Variants in NR3C2 observed in about 807,000 individuals in gnomAD.
NR3C2 encodes the protein nuclear receptor subfamily 3 group C member 2.
In NR3C2, 15 loss-of-function variants were observed where a neutral mutation model predicts 86.4. That is an observed-to-expected ratio of 0.17 (90% confidence interval 0.12 to 0.27). NR3C2 has a LOEUF of 0.27. NR3C2 is among the 10% of genes least tolerant of loss of function. The pLI, the probability that NR3C2 is intolerant of heterozygous loss-of-function variation, is 1.00. For synonymous variants in NR3C2, 458 were observed against 450.5 expected, an observed-to-expected ratio of 1.02 and a Z score of -0.21; for missense variants, 960 against 1,195.6, an observed-to-expected ratio of 0.80 and a Z score of 2.91.
At chr4:148,178,037 T>A (rs1196696521) in intron 4 of NR3C2, among the ~76,000 whole-genome samples, 1 of 152,194 alleles carries the variant, frequency 6.6e-6, no homozygotes, top group East Asian at 1.9e-4. Context: ...CGTTTTCGAC[T>A]CCAAAATAAA....
At chr4:148,294,361 A>C (rs1478627641) in intron 2 of NR3C2, among the ~76,000 whole-genome samples, 13 of 152,156 alleles carry the variant, frequency 8.5e-5, no homozygotes. Context: ...TGGTAGTTCC[A>C]TCCTTTATTT....
intron 2 of NR3C2, among the ~76,000 whole-genome samples, chr4:148,375,463 G>GA (rs76084170): frequency 0.025 from 2,888 of 116,484 alleles, 37 homozygotes; most frequent in South Asian, 0.044. Context: ...CTCAAAGAAA[G>GA]AAAAAAAAAA....
chr4:148,370,841 C>T (rs1746382350), intron 2 of NR3C2, among the ~76,000 whole-genome samples: 1 of 152,134 alleles, frequency 6.6e-6, no homozygotes, highest in Non-Finnish European at 1.5e-5. Flanking sequence ...GGGTCAGTAT[C>T]TTCCTTCTCC....
intron 3 of NR3C2, among the ~76,000 whole-genome samples, chr4:148,250,591 C>G (rs1200790794): frequency 5.9e-5 from 9 of 152,152 alleles, no homozygotes; most frequent in Admixed American, 5.2e-4. Context: ...AATCTACTGC[C>G]AAACTACCTA....
intron 8 of NR3C2, among the ~76,000 whole-genome samples, chr4:148,083,525 T>C (rs1380343380): frequency 6.6e-6 from 1 of 152,062 alleles, no homozygotes; most frequent in Non-Finnish European, 1.5e-5. Flanking sequence ...AGAAACCTCA[T>C]CTGAAGGCCA....
intron 2 of NR3C2, among the ~76,000 whole-genome samples, chr4:148,326,055 A>G (rs943849876): frequency 6.6e-6 from 1 of 152,162 alleles, no homozygotes; most frequent in African/African-American, 2.4e-5. Flanking sequence ...AGCAAGATCA[A>G]TGGACGCAGG....
At chr4:148,364,414 T>G (rs763931281) in intron 2 of NR3C2, among the ~76,000 whole-genome samples, 2 of 152,170 alleles carry the variant, frequency 1.3e-5, no homozygotes, top group Non-Finnish European at 2.9e-5. Flanking sequence ...TAATCTTCTT[T>G]GCTTCCATGA....
At chr4:148,127,489 G>A (rs1184767833) in intron 6 of NR3C2, among the ~76,000 whole-genome samples, 1 of 152,124 alleles carries the variant, frequency 6.6e-6, no homozygotes, top group Non-Finnish European at 1.5e-5. Flanking sequence ...GTAAATCCAT[G>A]ACCAAAAGTC....
intron 2 of NR3C2, among the ~76,000 whole-genome samples, chr4:148,306,422 A>C (rs1236103871): frequency 6.6e-6 from 1 of 152,214 alleles, no homozygotes; most frequent in Non-Finnish European, 1.5e-5. Context: ...CCTATGTCGG[A>C]GGGTAAGTCT....
At chr4:148,145,618 C>T (rs978569113) in intron 6 of NR3C2, among the ~76,000 whole-genome samples, 5 of 152,198 alleles carry the variant, frequency 3.3e-5, no homozygotes, top group Non-Finnish European at 7.4e-5. Context: ...CAGACAGATT[C>T]CCCCGCTGGG....
At position 148,435,755 on chromosome 4, in the gene NR3C2, G is replaced by A. The variant is rs771199608; in HGVS notation, c.1106C>T (p.Ala369Val). The A allele has an allele frequency of 5.6e-6, 9 of 1,614,170 alleles. No individual in the cohort carries two copies. Among genetic ancestry groups the A allele is most frequent in the Non-Finnish European group, 7.6e-6 (9 of 1,180,034 alleles). The change falls in exon 2 of 9, where the codon GCT becomes GTT. Residue 369 changes from alanine to valine, a missense_variant. Physicochemically the swap from Ala to Val is moderately conservative, Grantham distance 64. Coordinates refer to ENST00000358102, the MANE Select transcript of NR3C2 (RefSeq NM_000901.5). ...VPSPDTQEKG[A>V]QEVPFPKTEE... ...AGTCTTAGGAAAAGGGACCTCTTGA[G>A]CACCTTTCTCCTGCGTGTCTGGACT...
intron 2 of NR3C2, among the ~76,000 whole-genome samples, chr4:148,364,005 C>T (rs1334965689): frequency 2.0e-5 from 3 of 152,164 alleles, no homozygotes; most frequent in Non-Finnish European, 4.4e-5. Context: ...TATGCCCTTA[C>T]AATTAGTCTT....
At chr4:148,188,064 A>C (rs1193642157) in intron 4 of NR3C2, among the ~76,000 whole-genome samples, 1 of 152,164 alleles carries the variant, frequency 6.6e-6, no homozygotes, top group Non-Finnish European at 1.5e-5. Context: ...ACTACGTTCC[A>C]ATGGTCTATG....
intron 1 of NR3C2, among the ~76,000 whole-genome samples, chr4:148,437,440 T>A (rs956735072): frequency 6.6e-6 from 1 of 152,124 alleles, no homozygotes; most frequent in African/African-American, 2.4e-5. Flanking sequence ...ATAGGAAAAA[T>A]AATTTTTGAT....
chr4:148,253,512 T>G (rs140194890), intron 3 of NR3C2, among the ~76,000 whole-genome samples: 1 of 152,216 alleles, frequency 6.6e-6, no homozygotes, highest in Non-Finnish European at 1.5e-5. Context: ...GGTTCTAACG[T>G]TGGCCTGCTC....
chr4:148,234,827 T>C (rs1738665213), intron 3 of NR3C2, among the ~76,000 whole-genome samples: 1 of 152,170 alleles, frequency 6.6e-6, no homozygotes, highest in East Asian at 1.9e-4. Context: ...TTTTTTAACT[T>C]TTATTTCAGG....
At chr4:148,132,070 T>C (rs1733066967) in intron 6 of NR3C2, among the ~76,000 whole-genome samples, 2 of 152,246 alleles carry the variant, frequency 1.3e-5, no homozygotes, top group Non-Finnish European at 1.5e-5. Context: ...GTTTTTAAAA[T>C]AACTTATATA....
rs539974938 is a variant in NR3C2 at position 148,173,123 on chromosome 4, G to C, written c.2015-18222C>G. Reference sequence around the variant, plus strand: ...GAATACAGAGAGACTTCTTGGAAGGGAGGGATGGTGTCAGGGAGTAAGGAC... The same window carrying C: ...GAATACAGAGAGACTTCTTGGAAGGCAGGGATGGTGTCAGGGAGTAAGGAC... On this transcript the variant is annotated intron_variant, in intron 4 of 8. Coordinates refer to ENST00000358102, the MANE Select transcript of NR3C2 (RefSeq NM_000901.5). Among the ~76,000 whole-genome samples the C allele has an allele frequency of 3.3e-5, 5 of 152,336 alleles. No homozygotes were observed. The South Asian group carries it at 8.3e-4, about 25-fold the overall frequency.
intron 2 of NR3C2, among the ~76,000 whole-genome samples, chr4:148,321,499 A>T (rs1214742058): frequency 1.3e-5 from 2 of 151,838 alleles, no homozygotes; most frequent in African/African-American, 4.8e-5. Context: ...CCCATTATTA[A>T]TGTGTGGGAG....
Sources: allele counts gnomAD v4.1 joint callset (sites outside exome capture counted in the v4.1 genomes callset), GRCh38; gene constraint gnomAD v4.1.1; transcripts MANE v1.5; gene names NCBI Gene and HGNC (gene_info 2026-07-23, HGNC 2026-07-21).